The following MYH15 variants were observed in gnomAD, a reference collection of about 807,000 sequenced individuals.
MYH15 encodes myosin heavy chain 15.
Under a neutral mutation model 240.5 loss-of-function variants are expected in MYH15, and 227 were observed. The observed-to-expected ratio is 0.94, with a 90% CI of 0.85 to 1.05. The LOEUF (loss-of-function observed/expected upper bound fraction) is 1.05, where lower values mean the gene tolerates loss of function less well. MYH15 is among the 50% of genes least tolerant of loss of function. The pLI is 0.00. For synonymous variants in MYH15, 785 were observed against 796.7 expected, an observed-to-expected ratio of 0.99 and a Z score of 0.25; for missense variants, 2,217 against 2,247.5, an observed-to-expected ratio of 0.99 and a Z score of 0.27.
At position 108,410,706 on chromosome 3, in the gene MYH15, A is replaced by G; in HGVS notation, c.4372T>C (p.Leu1458=). Residue 1458 remains leucine, a synonymous_variant, in exon 31 of 41, where the codon TTG becomes CTG. Coordinates refer to ENST00000693548, the MANE Select transcript of MYH15 (RefSeq NM_014981.3). ...ACTTCCTTCTGAGAGGCATCCAGCAACGCCTGGGACTCCTCGTGCTTCTGC... is the reference window on the plus strand; with the variant it reads ...ACTTCCTTCTGAGAGGCATCCAGCAGCGCCTGGGACTCCTCGTGCTTCTGC... ...WKQKHEESQA[L]LDASQKEVQA... is the part of the protein sequence containing the mutation. 6.2e-7 allele frequency: 1 copy of G among 1,614,152 alleles called. No homozygotes were observed. The highest frequency in any genetic ancestry group is 8.5e-7 in the Non-Finnish European group (1 of 1,180,032).
intron 38 of MYH15, among the ~76,000 whole-genome samples, chr3:108,385,800 C>G (rs1019372625): frequency 2.0e-5 from 3 of 151,578 alleles, no homozygotes; most frequent in Non-Finnish European, 4.4e-5. Flanking sequence ...CCCACCACCA[C>G]GAACCCACTC....
Position 108,492,530 on chromosome 3 carries a change from G to C in MYH15, c.841C>G (p.Gln281Glu), listed in dbSNP as rs1308920038. The change falls in exon 9 of 41, where the codon CAA (glutamine) becomes GAA (glutamate). Residue 281 changes from glutamine (Q) to glutamate (E), a missense_variant. Coordinates refer to ENST00000693548, the MANE Select transcript of MYH15 (RefSeq NM_014981.3). ...AGCTCTTTTTGTCCAGATAGAATTT[G>C]ATAGAATATGTGGTAGTTCCTCTCT... ...AGERNYHIFY[Q>E]ILSGQKELHD... The C allele has an allele frequency of 6.2e-7, 1 of 1,613,182 alleles. No individual in the cohort carries two copies. Among genetic ancestry groups the C allele is most frequent in the Non-Finnish European group, 8.5e-7 (1 of 1,179,418 alleles).
chr3:108,521,106 G>T (rs1366457113), intron 1 of MYH15, among the ~76,000 whole-genome samples: 1 of 151,704 alleles, frequency 6.6e-6, no homozygotes, highest in Non-Finnish European at 1.5e-5. Flanking sequence ...CATCTCATTT[G>T]GTTCTTTAAT....
chr3:108,496,876 G>T (rs1292550485), intron 6 of MYH15, among the ~76,000 whole-genome samples: 1 of 151,128 alleles, frequency 6.6e-6, no homozygotes, highest in Non-Finnish European at 1.5e-5. Context: ...AAAGAGTTCA[G>T]TGATGGCCAG....
intron 11 of MYH15, among the ~76,000 whole-genome samples, chr3:108,482,061 G>C (rs1429993173): frequency 6.6e-6 from 1 of 152,084 alleles, no homozygotes; most frequent in African/African-American, 2.4e-5. Flanking sequence ...GGTGGCTCGG[G>C]CTAGGTGGTG....
In MYH15 at chr3:108,380,431, T is replaced by C. The variant is rs1404494130; in HGVS notation, c.*1114A>G. The stretch of plus-strand genomic sequence containing the variant: ...ACAATTGTGGGTGCTGGTGGAGAAG[T>C]CTAGGCCAGGCTGTTCCCTCTGCAT... On this transcript the variant is annotated 3_prime_UTR_variant, in exon 41 of 41. Transcript: ENST00000693548. 1 of 152,412 alleles carries C rather than the reference T, an allele frequency of 6.6e-6. No homozygotes were observed. The highest frequency in any genetic ancestry group is 1.9e-4 in the East Asian group (1 of 5,206). 9.4% of individuals were successfully genotyped at this position (152,412 alleles called of 1,614,324 possible). A position where few individuals can be genotyped will look rare whatever the true frequency, so the allele number is the denominator to read the frequency against.
chr3:108,420,973 C>G, intron 28 of MYH15, 115 bp downstream of exon 28: 3 of 1,440,354 alleles, frequency 2.1e-6, no homozygotes, highest in Non-Finnish European at 2.9e-6. Context: ...CATTCCTCCC[C>G]TAGGATCTTC....
Position 108,524,963 on chromosome 3 carries a change from T to A in MYH15, c.-58+4300A>T, listed in dbSNP as rs112732381. Among the ~76,000 whole-genome samples, 693 of 152,148 alleles carry A rather than the reference T, an allele frequency of 4.6e-3. 2 individuals carry two copies. Among genetic ancestry groups the A allele is most frequent in the African/African-American group, 0.015 (632 of 41,550 alleles). The stretch of plus-strand genomic sequence containing the variant: ...CAAGAAGAAGAAAAGAAGAGCCATG[T>A]CCTTTAAAGATTCTTCCCAGAAATT... On this transcript the variant is annotated intron_variant, in intron 1 of 41. Coordinates refer to the MYH15 transcript ENST00000273353.
At chr3:108,383,466 C>G in intron 40 of MYH15, 129 bp downstream of exon 40, 1 of 973,964 alleles carries the variant, frequency 1.0e-6, no homozygotes, top group Non-Finnish European at 1.5e-6. Flanking sequence ...TTATTGGAAC[C>G]CTTTGTTCTT....
intron 35 of MYH15, among the ~76,000 whole-genome samples, chr3:108,397,710 AC>A (rs1317205085): frequency 6.6e-6 from 1 of 152,090 alleles, no homozygotes; most frequent in Non-Finnish European, 1.5e-5. Context: ...CACTTACATA[AC>A]CTTCCATTAG....
chr3:108,483,351 C>G (rs1345961446), intron 11 of MYH15, among the ~76,000 whole-genome samples: 3 of 151,410 alleles, frequency 2.0e-5, no homozygotes. Flanking sequence ...CATCACCAAT[C>G]AGTAGGGAAA....
the MYH15 span, among the ~76,000 whole-genome samples, chr3:108,548,183 G>C: frequency 6.6e-6 from 1 of 152,014 alleles, no homozygotes; most frequent in Non-Finnish European, 1.5e-5. Context: ...GATTGTTAAA[G>C]GACTTATTTT....
intron 27 of MYH15, among the ~76,000 whole-genome samples, chr3:108,422,433 G>A (rs528977494): frequency 4.6e-5 from 7 of 152,200 alleles, no homozygotes; most frequent in Middle Eastern, 3.4e-3. Context: ...GGTCAGGCTG[G>A]TCTCGAACTC....
Position 108,394,600 on chromosome 3 carries a change from A to C in MYH15, c.5134-444T>G, listed in dbSNP as rs551473767. 3.3e-5 allele frequency among the ~76,000 whole-genome samples: 5 copies of C among 152,328 alleles called. No homozygotes were observed. The South Asian group carries it at 8.3e-4, about 25-fold the overall frequency. On this transcript the variant is annotated intron_variant, in intron 35 of 40. Coordinates refer to ENST00000693548, the MANE Select transcript of MYH15 (RefSeq NM_014981.3). ...GTATGCTGCTCCAGAAACAAACAAA[A>C]AAAATCATTCCTCTTCTTTTTGTAC...
At chr3:108,413,001 T>A (rs1410699627) in intron 30 of MYH15, among the ~76,000 whole-genome samples, 1 of 152,254 alleles carries the variant, frequency 6.6e-6, no homozygotes, top group Non-Finnish European at 1.5e-5. Context: ...TTATTTTCTT[T>A]AGTTATTACA....
At position 108,492,522 on chromosome 3, in the gene MYH15, T is replaced by C. The variant is rs150667670; in HGVS notation, c.849A>G (p.Leu283=). ...TACCATGAAGCTCTTTTTGTCCAGA[T>C]AGAATTTGATAGAATATGTGGTAGT... ...ERNYHIFYQI[L]SGQKELHDLL... The change falls in exon 9 of 41, where the codon CTA becomes CTG. Residue 283 remains leucine (L), a synonymous_variant. Transcript: ENST00000693548. 109 of 1,612,848 alleles carry C rather than the reference T, an allele frequency of 6.8e-5. No homozygotes were observed. In the African/African-American group the frequency reaches 1.1e-3, roughly 16 times the overall value.
chr3:108,400,151 G>C (rs1485489311), intron 33 of MYH15, among the ~76,000 whole-genome samples: 3 of 152,170 alleles, frequency 2.0e-5, no homozygotes, highest in Non-Finnish European at 4.4e-5. Flanking sequence ...TACCAAACTT[G>C]ATGGCCACAT....
At position 108,476,467 on chromosome 3, in the gene MYH15, A is replaced by G. The variant is rs2083221775; in HGVS notation, c.1163T>C (p.Val388Ala). The G allele has an allele frequency of 1.2e-6, 2 of 1,613,448 alleles. No individual in the cohort carries two copies. The highest frequency in any genetic ancestry group is 8.5e-7 in the Non-Finnish European group (1 of 1,179,574). The part of the protein sequence containing the change: ...FLMGINSSEL[V>A]KCLIHPRIKV... ...GATTCTAGGATGGATCAAGCACTTT[A>G]CCAACTCAGAGGAGTTAATGCCCAT... The change falls in exon 12 of 41, where the codon GTA becomes GCA. Residue 388 changes from valine to alanine, a missense_variant. Coordinates refer to ENST00000693548, the MANE Select transcript of MYH15 (RefSeq NM_014981.3).
At chr3:108,547,080 CAT>C in the MYH15 span, among the ~76,000 whole-genome samples, 31 of 148,494 alleles carry the variant, frequency 2.1e-4, no homozygotes, top group Admixed American at 2.7e-4. Context: ...AAAAATAGGC[CAT>C]ATATATATAT....
Sources: gnomAD v4.1 joint callset for allele counts (sites outside exome capture counted in the v4.1 genomes callset) on GRCh38, gnomAD v4.1.1 for gene constraint, MANE v1.5 for transcripts, NCBI Gene and HGNC (gene_info 2026-07-23, HGNC 2026-07-21) for gene names.